The following PAN3 variants were observed in gnomAD, a reference collection of about 807,000 sequenced individuals.
The protein encoded by PAN3 is PAN2-PAN3 deadenylation complex subunit PAN3.
PAN3 carries 19 observed loss-of-function variants against 96.2 expected under a neutral mutation model. The ratio of observed to expected loss-of-function variants is 0.20; its 90% CI spans 0.14 to 0.29. The LOEUF (loss-of-function observed/expected upper bound fraction) is 0.29. Ranked by LOEUF, PAN3 falls within the 10% of genes least tolerant of loss-of-function variation. The probability of loss-of-function intolerance (pLI) is 1.00; values close to 1 mark genes in which losing one functional copy is unlikely to be tolerated. For synonymous variants in PAN3, 433 were observed against 406.6 expected (o/e 1.06, Z -0.78); for missense variants, 882 against 1,108.1 (o/e 0.80, Z 2.90).
intron 4 of PAN3, among the ~76,000 whole-genome samples, chr13:28,192,256 G>A (rs1025627415): frequency 3.5e-4 from 53 of 151,662 alleles, no homozygotes; most frequent in African/African-American, 1.2e-3. Context: ...TTTTAGTAGA[G>A]ACAGGGTTTC....
chr13:28,250,647 A>G (rs971909444), intron 6 of PAN3, among the ~76,000 whole-genome samples: 16 of 152,066 alleles, frequency 1.1e-4, no homozygotes, highest in African/African-American at 3.4e-4. Context: ...AATTACAAAC[A>G]TGAGCCACCG....
chr13:28,205,666 C>T (rs1879257053), intron 5 of PAN3, among the ~76,000 whole-genome samples: 1 of 151,806 alleles, frequency 6.6e-6, no homozygotes, highest in African/African-American at 2.4e-5. Flanking sequence ...TAGTGAGACC[C>T]CTGTCTCTAC....
chr13:28,225,903 G>C (rs938849478), intron 6 of PAN3, among the ~76,000 whole-genome samples: 1 of 152,182 alleles, frequency 6.6e-6, no homozygotes, highest in African/African-American at 2.4e-5. Flanking sequence ...GAATTGTATA[G>C]GTCCAAAATT....
At chr13:28,149,219 G>A (rs1235368170) in intron 1 of PAN3, among the ~76,000 whole-genome samples, 3 of 152,082 alleles carry the variant, frequency 2.0e-5, no homozygotes, top group Admixed American at 6.6e-5. Flanking sequence ...AGCTAGGCTT[G>A]GTGGTGCACC....
rs190213609 is a variant in PAN3 at position 28,149,047 on chromosome 13, A to G, written c.430+9960A>G. On this transcript the variant is annotated intron_variant, in intron 1 of 18. Coordinates refer to ENST00000380958, the MANE Select transcript of PAN3 (RefSeq NM_175854.8). ...TAGAGTCTTCAGTAATCTGGTTCAC[A>G]GTTGATACATTAAAAAAAAACACTG... Among the ~76,000 whole-genome samples, 3 of 151,722 alleles carry G rather than the reference A, an allele frequency of 2.0e-5. No homozygotes were observed. The East Asian group carries it at 5.8e-4, about 29-fold the overall frequency.
At chr13:28,265,685 AG>A (rs535750955) in intron 9 of PAN3, among the ~76,000 whole-genome samples, 312 of 151,770 alleles carry the variant, frequency 2.1e-3, no homozygotes, top group Non-Finnish European at 3.6e-3. Flanking sequence ...TTCTTACCAG[AG>A]GTCAAAAATT....
intron 17 of PAN3, among the ~76,000 whole-genome samples, chr13:28,285,199 C>T (rs1287477280): frequency 6.6e-6 from 1 of 152,126 alleles, no homozygotes; most frequent in East Asian, 1.9e-4. Flanking sequence ...TTGTTTGGGT[C>T]GTTTTCAGTA....
intron 1 of PAN3, among the ~76,000 whole-genome samples, chr13:28,171,546 A>C (rs1874307942): frequency 6.6e-6 from 1 of 152,178 alleles, no homozygotes. Flanking sequence ...ACCCCTCCTC[A>C]GGTTTGATAA....
chr13:28,198,724 A>G (rs1878362984), intron 5 of PAN3, among the ~76,000 whole-genome samples: 1 of 152,210 alleles, frequency 6.6e-6, no homozygotes, highest in African/African-American at 2.4e-5. Flanking sequence ...TTGCATTTAA[A>G]ATATATCCCA....
In PAN3 at chr13:28,257,677, TATTAA is replaced by T. The variant is rs548285517; in HGVS notation, c.1248+1143_1248+1147del. On this transcript the variant is annotated intron_variant, in intron 7 of 18. Coordinates refer to ENST00000380958, the MANE Select transcript of PAN3 (RefSeq NM_175854.8). ...TATATATTTTATATATATGTAAAGTTATTAAATTATATAAATATATATTATATATA... is the reference window on the plus strand; with the variant it reads ...TATATATTTTATATATATGTAAAGTTATTATATAAATATATATTATATATA... Among the ~76,000 whole-genome samples, 1,118 of 141,482 alleles carry T rather than the reference TATTAA, an allele frequency of 7.9e-3. 10 individuals carry two copies. The highest frequency in any genetic ancestry group is 0.015 in the Middle Eastern group (4 of 272). The allele number at this position is 141,482 out of a possible 152,430, so 92.8% of individuals were successfully genotyped here. A position where few individuals can be genotyped will look rare whatever the true frequency, so the allele number is the denominator to read the frequency against.
rs1870020611 is a variant in PAN3, at chr13:28,293,508, G to GA, written c.*988dup. The GA allele has an allele frequency of 6.9e-6, 1 of 144,796 alleles. No homozygotes were observed. The highest frequency in any genetic ancestry group is 1.5e-5 in the Non-Finnish European group (1 of 66,994). The allele number at this position is 144,796 out of a possible 1,614,324, so 9.0% of individuals were successfully genotyped here. ...GAGACAGACACAGAGACACTGTTCA[G>GA]AAGATGAACTAAACTCAGCAGTGGT... On this transcript the variant is annotated 3_prime_UTR_variant, in exon 19 of 19. Transcript: ENST00000380958.
At chr13:28,287,066 C>T (rs948024003) in intron 17 of PAN3, among the ~76,000 whole-genome samples, 4 of 152,088 alleles carry the variant, frequency 2.6e-5, no homozygotes, top group Non-Finnish European at 4.4e-5. Flanking sequence ...CTTTTCTTCT[C>T]TTTTCTCCCC....
intron 6 of PAN3, among the ~76,000 whole-genome samples, chr13:28,233,893 G>A (rs1882838967): frequency 6.6e-6 from 1 of 152,048 alleles, no homozygotes; most frequent in African/African-American, 2.4e-5. Flanking sequence ...TTGATTTCAT[G>A]TTAATCTTTT....
chr13:28,278,202 G>A (rs971399345), intron 15 of PAN3, among the ~76,000 whole-genome samples: 5 of 152,228 alleles, frequency 3.3e-5, no homozygotes, highest in Non-Finnish European at 7.3e-5. Context: ...GGTATGAATT[G>A]GGGGATGGAG....
intron 5 of PAN3, among the ~76,000 whole-genome samples, chr13:28,205,909 CCTAT>C (rs1286807610): frequency 6.6e-6 from 1 of 150,616 alleles, no homozygotes; most frequent in Non-Finnish European, 1.5e-5. Flanking sequence ...CAGCTTTCTA[CCTAT>C]CTATATTTTC....
intron 4 of PAN3, among the ~76,000 whole-genome samples, chr13:28,184,768 C>G (rs1876248903): frequency 6.6e-6 from 1 of 152,054 alleles, no homozygotes; most frequent in Non-Finnish European, 1.5e-5. Flanking sequence ...GTAGACTTCT[C>G]TTTTATGTTT....
chr13:28,248,634 C>T (rs1884433247), intron 6 of PAN3, among the ~76,000 whole-genome samples: 1 of 152,148 alleles, frequency 6.6e-6, no homozygotes, highest in Non-Finnish European at 1.5e-5. Flanking sequence ...AAGCAGTCCT[C>T]CCACCTCAGC....
At chr13:28,212,772 A>AT (rs1238609643) in intron 5 of PAN3, among the ~76,000 whole-genome samples, 1 of 152,224 alleles carries the variant, frequency 6.6e-6, no homozygotes, top group Non-Finnish European at 1.5e-5. Context: ...AGGCATAGCA[A>AT]TAGAAACTGC....
rs145678094 is a variant in PAN3 at position 28,209,751 on chromosome 13, TCCTGCCTG to T, written c.853-10464_853-10457del. Among the ~76,000 whole-genome samples the T allele has an allele frequency of 3.4e-3, 523 of 152,042 alleles. 3 individuals are homozygous for T. The highest frequency in any genetic ancestry group is 0.012 in the African/African-American group (482 of 41,448). ...TCCCGTCTCCTCCCGTTTTTCTCCT[TCCTGCCTG>T]CCTGCCTGCCTGCCTTTCTTTTTCT... is the stretch of plus-strand genomic sequence containing the variant. On this transcript the variant is annotated intron_variant, in intron 5 of 18. Transcript: ENST00000380958.
Sources: gnomAD v4.1 joint callset for allele counts (sites outside exome capture counted in the v4.1 genomes callset) on GRCh38, gnomAD v4.1.1 for gene constraint, MANE v1.5 for transcripts, NCBI Gene and HGNC (gene_info 2026-07-23, HGNC 2026-07-21) for gene names.